The following WDR36 variants were observed in gnomAD, a reference collection of about 807,000 sequenced individuals.
The protein encoded by WDR36 is WD repeat-containing protein 36.
In WDR36, 63 loss-of-function variants were observed where a neutral mutation model predicts 112.7. The observed-to-expected ratio is 0.56, with a 90% CI of 0.46 to 0.69. The LOEUF is 0.69. WDR36 is among the 30% of genes least tolerant of loss of function. The probability of loss-of-function intolerance (pLI) is 0.00; values close to 1 mark genes in which losing one functional copy is unlikely to be tolerated. For missense variants in WDR36, 1,226 were observed against 1,070.3 expected, an observed-to-expected ratio of 1.15 and a Z score of -2.03; for synonymous variants, 410 against 362.2, an observed-to-expected ratio of 1.13 and a Z score of -1.50.
At chr5:111,095,206 A>C (rs1308650491) in intron 2 of WDR36, 1 of 467,112 alleles carries the variant, frequency 2.1e-6, no homozygotes, top group East Asian at 3.9e-5. Flanking sequence ...ACATTTTTGA[A>C]GAGTACAGGC....
intron 12 of WDR36, among the ~76,000 whole-genome samples, chr5:111,107,963 C>G (rs1329425255): frequency 4.0e-5 from 6 of 150,992 alleles, no homozygotes; most frequent in East Asian, 1.9e-4. Flanking sequence ...TGTTTTGGCT[C>G]TTCTGGTCCC....
intron 2 of WDR36, among the ~76,000 whole-genome samples, chr5:111,096,520 A>G (rs62376782): frequency 0.26 from 39,763 of 152,006 alleles, 6,071 homozygotes; most frequent in Middle Eastern, 0.43. Flanking sequence ...CCTGTCTAAC[A>G]TGGCAAAACC....
chr5:111,122,697 G>A (rs998953894), intron 19 of WDR36, among the ~76,000 whole-genome samples: 2 of 152,122 alleles, frequency 1.3e-5, no homozygotes, highest in Admixed American at 1.3e-4. Context: ...TTTATACCAT[G>A]GCTTCCCTTT....
At chr5:111,111,123 G>C in intron 14 of WDR36, 47 bp from the exon 15 acceptor site, 1 of 1,591,864 alleles carries the variant, frequency 6.3e-7, no homozygotes, top group South Asian at 1.1e-5. Context: ...TGAGATTTTA[G>C]TTCAAGGGTT....
At position 111,104,749 on chromosome 5, in the gene WDR36, T is replaced by C; in HGVS notation, c.959T>C (p.Met320Thr). 6.8e-6 allele frequency: 11 copies of C among 1,611,454 alleles called. No homozygotes were observed. Among genetic ancestry groups the C allele is most frequent in the Non-Finnish European group, 9.3e-6 (11 of 1,178,048 alleles). ...GAAGGCCGACTTTTGAGATTCAGAA[T>C]GGGTCATAGTGCTCCTCTTACCAAT... The part of the protein sequence containing the change: ...TGEGRLLRFR[M>T]GHSAPLTNIR... Residue 320 changes from methionine to threonine, a missense_variant, in exon 9 of 23, where the codon ATG becomes ACG. Met to Thr is a moderately conservative substitution (Grantham distance 81). Transcript: ENST00000513710.
intron 16 of WDR36, among the ~76,000 whole-genome samples, chr5:111,113,693 T>C (rs1753395413): frequency 6.6e-6 from 1 of 152,102 alleles, no homozygotes; most frequent in South Asian, 2.1e-4. Flanking sequence ...CTTTGGGGGA[T>C]TGAGAAGCCC....
chr5:111,098,355 G>C (rs576461851), intron 3 of WDR36, among the ~76,000 whole-genome samples: 10 of 152,298 alleles, frequency 6.6e-5, no homozygotes, highest in African/African-American at 2.4e-4. Context: ...AGTCTTTAGA[G>C]ATCAGCCTTC....
rs1423817099 is a variant in WDR36 at position 111,128,858 on chromosome 5, A to G, written c.*1975A>G. ...AATTACTCATGTAATATATGACTAC[A>G]TTTTGCTTGTGTGCTTTTTGAAAAC... On this transcript the variant is annotated 3_prime_UTR_variant, in exon 23 of 23. Coordinates refer to ENST00000513710, the MANE Select transcript of WDR36 (RefSeq NM_139281.3). 1.1e-5 allele frequency: 2 copies of G among 187,792 alleles called. No homozygotes were observed. The highest frequency in any genetic ancestry group is 4.7e-5 in the African/African-American group (2 of 42,788). The allele number at this position is 187,792 out of a possible 1,614,324, so 11.6% of individuals were successfully genotyped here. A position where few individuals can be genotyped will look rare whatever the true frequency, so the allele number is the denominator to read the frequency against.
intron 16 of WDR36, among the ~76,000 whole-genome samples, chr5:111,118,734 G>T (rs1753506000): frequency 6.6e-6 from 1 of 152,096 alleles, no homozygotes; most frequent in African/African-American, 2.4e-5. Context: ...GAGAAAAACA[G>T]AAAATTTCCT....
chr5:111,113,054 T>TATATATATATA lies in WDR36; in HGVS notation c.1717-20_1717-19insATATATATATA, dbSNP rs33919278. ...ATAAATAATATATATATATATATATTTTTTTTTTTTAATTTAAAGGCTTTT... is the reference window on the plus strand; with the variant it reads ...ATAAATAATATATATATATATATATTATATATATATATTTTTTTTTTAATTTAAAGGCTTTT... On this transcript the variant is annotated intron_variant, in intron 15 of 22. Coordinates refer to ENST00000513710, the MANE Select transcript of WDR36 (RefSeq NM_139281.3). The TATATATATATA allele has an allele frequency of 7.6e-5, 21 of 278,046 alleles. No homozygotes were observed. The highest frequency in any genetic ancestry group is 1.4e-4 in the Admixed American group (2 of 13,852). The allele number at this position is 278,046 out of a possible 1,614,324, so 17.2% of individuals were successfully genotyped here.
intron 22 of WDR36, 63 bp from the exon 23 acceptor site, chr5:111,126,671 G>A: frequency 3.2e-6 from 5 of 1,560,266 alleles, no homozygotes; most frequent in Non-Finnish European, 4.4e-6. Flanking sequence ...TAGAAAAATT[G>A]AATCCAGATT....
chr5:111,105,390 GT>G, intron 10 of WDR36, 30 bp downstream of exon 10: 1 of 1,584,826 alleles, frequency 6.3e-7, no homozygotes, highest in South Asian at 1.1e-5. Flanking sequence ...AAATAAGCTG[GT>G]CACGAAAGAA....
At chr5:111,097,682 C>G (rs1417294299) in intron 3 of WDR36, among the ~76,000 whole-genome samples, 1 of 152,204 alleles carries the variant, frequency 6.6e-6, no homozygotes, top group Admixed American at 6.5e-5. Context: ...AAGATCTTTT[C>G]TGGTCTAAAT....
rs60150176 is a variant in WDR36, at chr5:111,123,606, T to C, written c.2149-199T>C. 0.029 allele frequency among the ~76,000 whole-genome samples: 4,475 copies of C among 152,268 alleles called. 214 individuals are homozygous for C. Among genetic ancestry groups the C allele is most frequent in the African/African-American group, 0.1 (4,171 of 41,508 alleles). On this transcript the variant is annotated intron_variant, in intron 19 of 22. Coordinates refer to ENST00000513710, the MANE Select transcript of WDR36 (RefSeq NM_139281.3). ...TTTTCTGCCTTATCGGCAAGGGTGC[T>C]AGAGATCTGCATTGGGAAGCCCAAG...
chr5:111,105,367 C>T lies in WDR36; in HGVS notation c.1093+7C>T. ...AATAAGAGCTTGGGACATGGTAGGTCCTCTACAAGACAAAATAAGCTGGTC... is the reference window on the plus strand; with the variant it reads ...AATAAGAGCTTGGGACATGGTAGGTTCTCTACAAGACAAAATAAGCTGGTC... On this transcript the variant is annotated splice_region_variant and intron_variant, in intron 10 of 22. Coordinates refer to ENST00000513710, the MANE Select transcript of WDR36 (RefSeq NM_139281.3). 6.2e-7 allele frequency: 1 copy of T among 1,608,176 alleles called. No homozygotes were observed. Among genetic ancestry groups the T allele is most frequent in the Non-Finnish European group, 8.5e-7 (1 of 1,175,802 alleles).
chr5:111,111,133 T>G, intron 14 of WDR36, 37 bp from the exon 15 acceptor site: 2 of 1,600,952 alleles, frequency 1.2e-6, no homozygotes, highest in Non-Finnish European at 1.7e-6. Flanking sequence ...GTTCAAGGGT[T>G]TTTTGTTTAT....
At chr5:111,110,057 C>G in intron 12 of WDR36, 132 bp from the exon 13 acceptor site, 1 of 682,010 alleles carries the variant, frequency 1.5e-6, no homozygotes, top group Non-Finnish European at 2.6e-6. Context: ...GTTAAAAAAA[C>G]TAATGAAGCA....
chr5:111,120,436 G>A, intron 17 of WDR36, 60 bp from the exon 18 acceptor site: 1 of 1,309,728 alleles, frequency 7.6e-7, no homozygotes, highest in South Asian at 1.2e-5. Context: ...ATTGTAGAGT[G>A]TTTCTCTGAA....
rs989268038 is a variant in WDR36, at chr5:111,129,732, A to T, written c.*2849A>T. On this transcript the variant is annotated 3_prime_UTR_variant, in exon 23 of 23. Coordinates refer to ENST00000513710, the MANE Select transcript of WDR36 (RefSeq NM_139281.3). ...TCAAATTGATTAATTTTCATGACTT[A>T]TTTCAGGATATAAAGCAAATTATTT... 8 of 198,040 alleles carry T rather than the reference A, an allele frequency of 4.0e-5. No individual in the cohort carries two copies. Among genetic ancestry groups the T allele is most frequent in the African/African-American group, 1.9e-4 (8 of 42,664 alleles). The allele number at this position is 198,040 out of a possible 1,614,324, so 12.3% of individuals were successfully genotyped here.
Sources: gnomAD v4.1 joint callset for allele counts (sites outside exome capture counted in the v4.1 genomes callset) on GRCh38, gnomAD v4.1.1 for gene constraint, MANE v1.5 for transcripts, NCBI Gene and HGNC (gene_info 2026-07-23, HGNC 2026-07-21) for gene names.